The following ARHGEF28 variants were observed in gnomAD, a reference collection of about 807,000 sequenced individuals.
The protein encoded by ARHGEF28 is Rho guanine nucleotide exchange factor 28.
A neutral mutation model predicts 206.6 loss-of-function variants in ARHGEF28; 152 were observed. That is an observed-to-expected ratio of 0.74 (90% CI 0.64 to 0.84). ARHGEF28 has a LOEUF of 0.84. ARHGEF28 is among the 40% of genes least tolerant of loss of function. The pLI, the probability that ARHGEF28 is intolerant of heterozygous loss-of-function variation, is 0.00. For missense variants in ARHGEF28, 2,028 were observed against 2,073.2 expected (o/e 0.98, Z 0.42); for synonymous variants, 763 against 776.4 (o/e 0.98, Z 0.29).
intron 1 of ARHGEF28, among the ~76,000 whole-genome samples, chr5:73,639,247 T>A (rs1172654979): frequency 7.0e-6 from 1 of 143,290 alleles, no homozygotes; most frequent in Non-Finnish European, 1.6e-5. Context: ...ATATATATAA[T>A]ATATATACAT....
intron 9 of ARHGEF28, among the ~76,000 whole-genome samples, chr5:73,816,959 GTTTTGTTTTGT>G (rs1000387120): frequency 6.8e-6 from 1 of 147,570 alleles, no homozygotes; most frequent in Non-Finnish European, 1.5e-5. Flanking sequence ...CTGTTTTTTT[GTTTTGTTTTGT>G]TTTTGTTTTT....
intron 1 of ARHGEF28, among the ~76,000 whole-genome samples, chr5:73,647,267 A>T (rs1366313991): frequency 1.3e-5 from 2 of 152,224 alleles, no homozygotes; most frequent in African/African-American, 4.8e-5. Context: ...GACATATGTG[A>T]AATGTAAATT....
chr5:73,722,798 A>G (rs1750040389), intron 2 of ARHGEF28, among the ~76,000 whole-genome samples: 1 of 152,124 alleles, frequency 6.6e-6, no homozygotes, highest in African/African-American at 2.4e-5. Context: ...ATCTCTCTCT[A>G]TCCATATATA....
intron 2 of ARHGEF28, among the ~76,000 whole-genome samples, chr5:73,690,258 C>A (rs1350273560): frequency 6.6e-6 from 1 of 151,870 alleles, no homozygotes; most frequent in Non-Finnish European, 1.5e-5. Context: ...CATTTACAAG[C>A]CAATTTGTGT....
intron 10 of ARHGEF28, chr5:73,835,001 C>T (rs1166786725): frequency 1.3e-5 from 2 of 152,132 alleles, no homozygotes; most frequent in African/African-American, 4.8e-5. Context: ...CTGGCAGCCC[C>T]TAGGTAGTTT....
At chr5:73,935,165 T>C (rs1764349182) in intron 35 of ARHGEF28, among the ~76,000 whole-genome samples, 1 of 152,206 alleles carries the variant, frequency 6.6e-6, no homozygotes, top group Non-Finnish European at 1.5e-5. Context: ...TGTTAAGTAC[T>C]GATTAAAGTT....
chr5:73,697,854 C>T (rs748216759), intron 2 of ARHGEF28, among the ~76,000 whole-genome samples: 1 of 152,150 alleles, frequency 6.6e-6, no homozygotes, highest in African/African-American at 2.4e-5. Flanking sequence ...AACCACACAT[C>T]GTTTGGCAGT....
chr5:73,811,987 A>T (rs373731131), intron 9 of ARHGEF28, among the ~76,000 whole-genome samples: 164 of 152,096 alleles, frequency 1.1e-3, no homozygotes, highest in Middle Eastern at 6.8e-3. Context: ...TCTCAAAAAA[A>T]AAAAAAAAAA....
At position 73,941,511 on chromosome 5, in the gene ARHGEF28, G is replaced by A. The variant is rs1389621589; in HGVS notation, c.*498G>A. 1 of 153,304 alleles carries A rather than the reference G, an allele frequency of 6.5e-6. No homozygotes were observed. The highest frequency in any genetic ancestry group is 1.9e-4 in the East Asian group (1 of 5,204). 9.5% of individuals were successfully genotyped at this position (153,304 alleles called of 1,614,324 possible). A position where few individuals can be genotyped will look rare whatever the true frequency, so the allele number is the denominator to read the frequency against. On this transcript the variant is annotated 3_prime_UTR_variant, in exon 36 of 36. Transcript: ENST00000513042. ...CTCATTTCTTCTGGGAGCATTAAAA[G>A]TGGTGATCTGTTACAGTCACTATTC...
At chr5:73,710,052 G>T (rs1561349063) in intron 2 of ARHGEF28, among the ~76,000 whole-genome samples, 1 of 152,162 alleles carries the variant, frequency 6.6e-6, no homozygotes, top group African/African-American at 2.4e-5. Context: ...TGTGAACATA[G>T]GTTTCAATTC....
At chr5:73,914,005 A>G (rs554980727) in intron 35 of ARHGEF28, among the ~76,000 whole-genome samples, 1 of 152,314 alleles carries the variant, frequency 6.6e-6, no homozygotes, top group East Asian at 1.9e-4. Flanking sequence ...GATGGGAAAA[A>G]TTGTATATAA....
chr5:73,805,857 C>T (rs956638212), intron 9 of ARHGEF28, among the ~76,000 whole-genome samples: 31 of 152,142 alleles, frequency 2.0e-4, no homozygotes, highest in Non-Finnish European at 3.1e-4. Context: ...ATATATAGGA[C>T]GAGCCTGCCC....
intron 1 of ARHGEF28, among the ~76,000 whole-genome samples, chr5:73,646,433 A>G (rs1190280072): frequency 6.6e-6 from 1 of 152,200 alleles, no homozygotes; most frequent in Non-Finnish European, 1.5e-5. Context: ...CCAGCCACCA[A>G]TCAAGATTTT....
chr5:73,719,677 C>A (rs1361050739), intron 2 of ARHGEF28, among the ~76,000 whole-genome samples: 1 of 152,196 alleles, frequency 6.6e-6, no homozygotes, highest in Non-Finnish European at 1.5e-5. Context: ...AGATGCACAT[C>A]ATGATTTTTC....
intron 1 of ARHGEF28, among the ~76,000 whole-genome samples, chr5:73,643,480 T>G (rs866023884): frequency 7.9e-5 from 12 of 152,298 alleles, no homozygotes; most frequent in Middle Eastern, 6.8e-3. Flanking sequence ...TTTGCTTTAT[T>G]TTTTTATTGG....
At chr5:73,888,143 G>A (rs1321960432) in intron 26 of ARHGEF28, among the ~76,000 whole-genome samples, 1 of 152,166 alleles carries the variant, frequency 6.6e-6, no homozygotes, top group African/African-American at 2.4e-5. Flanking sequence ...ATGCCCATTG[G>A]CCCTGCTCTC....
At chr5:73,724,734 A>T (rs1750174260) in intron 2 of ARHGEF28, among the ~76,000 whole-genome samples, 1 of 152,190 alleles carries the variant, frequency 6.6e-6, no homozygotes, top group African/African-American at 2.4e-5. Flanking sequence ...CATGTTTTAA[A>T]ACTTTGTTCC....
intron 4 of ARHGEF28, among the ~76,000 whole-genome samples, chr5:73,772,879 G>T (rs921484633): frequency 6.6e-5 from 10 of 152,214 alleles, no homozygotes; most frequent in African/African-American, 2.4e-4. Flanking sequence ...GCCTGGGCAA[G>T]TGGCTCCTGG....
intron 4 of ARHGEF28, among the ~76,000 whole-genome samples, chr5:73,772,848 A>G (rs1313749546): frequency 6.6e-6 from 1 of 152,226 alleles, no homozygotes; most frequent in East Asian, 1.9e-4. Flanking sequence ...GAAGGTTCCT[A>G]TAATGAGCAA....
Sources: gnomAD v4.1 joint callset for allele counts (sites outside exome capture counted in the v4.1 genomes callset) on GRCh38, gnomAD v4.1.1 for gene constraint, MANE v1.5 for transcripts, NCBI Gene and HGNC (gene_info 2026-07-23, HGNC 2026-07-21) for gene names.